The following PLXNC1 variants were observed in gnomAD, a reference collection of about 807,000 sequenced individuals.
The protein encoded by PLXNC1 is plexin-C1.
A neutral mutation model predicts 178.2 loss-of-function variants in PLXNC1; 75 were observed. That is an observed-to-expected ratio of 0.42 (90% CI 0.35 to 0.51). The LOEUF (loss-of-function observed/expected upper bound fraction) is 0.51. Ranked by LOEUF, PLXNC1 falls within the 20% of genes least tolerant of loss-of-function variation. The pLI is 0.02. For synonymous variants in PLXNC1, 790 were observed against 779.9 expected (o/e 1.01, Z -0.22); for missense variants, 1,503 against 1,984.4 (o/e 0.76, Z 4.61).
intron 5 of PLXNC1, among the ~76,000 whole-genome samples, chr12:94,210,701 A>T (rs1963443246): frequency 6.6e-6 from 1 of 152,224 alleles, no homozygotes; most frequent in African/African-American, 2.4e-5. Flanking sequence ...GTTGTAACTG[A>T]TCAGAACGAA....
Position 94,260,173 on chromosome 12 carries a change from C to T in PLXNC1, c.3251+439C>T, listed in dbSNP as rs1007145972. On this transcript the variant is annotated intron_variant, in intron 19 of 30. Coordinates refer to ENST00000258526, the MANE Select transcript of PLXNC1 (RefSeq NM_005761.3). The surrounding 1 kb of genome is among the most constrained non-coding windows in gnomAD (Gnocchi z 4.4). ...GCTCAAGCTACCCTCCTGCCTCAGC[C>T]TCCCCAAGTAGCTGGAACTACAGGT... 6.6e-6 allele frequency among the ~76,000 whole-genome samples: 1 copy of T among 152,088 alleles called. No individual in the cohort carries two copies. Among genetic ancestry groups the T allele is most frequent in the African/African-American group, 2.4e-5 (1 of 41,416 alleles).
Position 94,148,914 on chromosome 12 carries a change from C to A in PLXNC1, c.-58C>A. 2 of 596,726 alleles carry A rather than the reference C, an allele frequency of 3.4e-6. No individual in the cohort carries two copies. The highest frequency in any genetic ancestry group is 4.4e-6 in the Non-Finnish European group (2 of 449,724). 37.0% of individuals were successfully genotyped at this position (596,726 alleles called of 1,614,324 possible). A position where few individuals can be genotyped will look rare whatever the true frequency, so the allele number is the denominator to read the frequency against. On this transcript the variant is annotated 5_prime_UTR_variant, in exon 1 of 31. Coordinates refer to ENST00000258526, the MANE Select transcript of PLXNC1 (RefSeq NM_005761.3). This position sits in a 1 kb window ranked among gnomAD's most constrained non-coding sequence, Gnocchi z 4.8. ...GCCGCCGCCCGCGTCTCCGTTGCCGCGCGCCTGAGCCGCCGTCGCCGCCGC... is the reference window on the plus strand; with the variant it reads ...GCCGCCGCCCGCGTCTCCGTTGCCGAGCGCCTGAGCCGCCGTCGCCGCCGC...
chr12:94,225,883 C>A lies in PLXNC1; in HGVS notation c.1791-722C>A, dbSNP rs546826176. Among the ~76,000 whole-genome samples the A allele has an allele frequency of 2.3e-4, 35 of 152,324 alleles. No individual in the cohort carries two copies. In the South Asian group the frequency reaches 7.0e-3, roughly 31 times the overall value. ...CACGGAAACTGCAGTTTCTGTAGAT[C>A]AGAATCTCAGAATGTTTCCTCATTT... On this transcript the variant is annotated intron_variant, in intron 7 of 30. Transcript: ENST00000258526.
chr12:94,246,034 G>A (rs536073214), intron 12 of PLXNC1, among the ~76,000 whole-genome samples: 1 of 152,350 alleles, frequency 6.6e-6, no homozygotes, highest in East Asian at 1.9e-4. Flanking sequence ...ACTAGGGAAA[G>A]GGGAGGATTC....
chr12:94,292,356 C>T (rs1232734647), intron 23 of PLXNC1, among the ~76,000 whole-genome samples: 1 of 152,106 alleles, frequency 6.6e-6, no homozygotes, highest in Non-Finnish European at 1.5e-5. Context: ...TATTTTATAT[C>T]TTGATAAAGG....
intron 17 of PLXNC1, 143 bp from the exon 18 acceptor site, chr12:94,259,194 C>T (rs1375133717): frequency 1.7e-5 from 10 of 598,542 alleles, no homozygotes; most frequent in Admixed American, 6.6e-5. Context: ...TTAGAGAATA[C>T]GCAGCCACCA....
chr12:94,149,930 G>A lies in PLXNC1; in HGVS notation c.959G>A (p.Arg320Gln), dbSNP rs926196537. The A allele has an allele frequency of 1.9e-6, 3 of 1,587,186 alleles. No homozygotes were observed. The highest frequency in any genetic ancestry group is 2.6e-6 in the Non-Finnish European group (3 of 1,167,814). The change falls in exon 1 of 31, where the codon CGG becomes CAG. Residue 320 changes from arginine to glutamine, a missense_variant. Arg to Gln is a conservative substitution (Grantham distance 43). Coordinates refer to ENST00000258526, the MANE Select transcript of PLXNC1 (RefSeq NM_005761.3). ...FSAAAGEGQE[R>Q]RSPTTTALCL... Reference sequence around the variant, plus strand: ...GCGGCCGCTGGAGAGGGCCAGGAGCGGCGCTCCCCCACCACCACGGCGCTC... The same window carrying A: ...GCGGCCGCTGGAGAGGGCCAGGAGCAGCGCTCCCCCACCACCACGGCGCTC...
chr12:94,160,785 T>G lies in PLXNC1; in HGVS notation c.1063-8368T>G, dbSNP rs567278382. Reference sequence around the variant, plus strand: ...TTTTTAATGCATGAAATGAAAACATTGGATTGCAAAATAGATGTAATATAT... The same window carrying G: ...TTTTTAATGCATGAAATGAAAACATGGGATTGCAAAATAGATGTAATATAT... On this transcript the variant is annotated intron_variant, in intron 1 of 30. Transcript: ENST00000258526. 3.9e-5 allele frequency among the ~76,000 whole-genome samples: 6 copies of G among 152,316 alleles called. No individual in the cohort carries two copies. In the East Asian group the frequency reaches 1.2e-3, roughly 29 times the overall value.
Position 94,149,204 on chromosome 12 carries a change from G to A in PLXNC1, c.233G>A (p.Arg78His). 1 of 1,586,674 alleles carries A rather than the reference G, an allele frequency of 6.3e-7. No individual in the cohort carries two copies. The change falls in exon 1 of 31, where the codon CGC becomes CAC. Residue 78 changes from arginine (R) to histidine (H), a missense_variant. Arg to His is a conservative substitution (Grantham distance 29). Transcript: ENST00000258526. ...LDYSLEHSLS[R>H]LYRDQAGNCT... ...TACAGCCTGGAGCACAGCCTCTCGC[G>A]CCTGTACCGGGACCAAGCGGGCAAC...
intron 10 of PLXNC1, 54 bp from the exon 11 acceptor site, chr12:94,240,431 C>T (rs969318940): frequency 1.5e-6 from 2 of 1,359,414 alleles, no homozygotes; most frequent in Non-Finnish European, 2.1e-6. Context: ...CTTGGGTAAT[C>T]AACTGTGCTA....
chr12:94,201,550 G>A (rs1963116322), intron 4 of PLXNC1, among the ~76,000 whole-genome samples: 1 of 152,066 alleles, frequency 6.6e-6, no homozygotes, highest in South Asian at 2.1e-4. Context: ...TCTGCAGATG[G>A]AGAGCCTGAA....
intron 28 of PLXNC1, among the ~76,000 whole-genome samples, chr12:94,301,619 A>G (rs182916099): frequency 6.6e-6 from 1 of 152,336 alleles, no homozygotes; most frequent in African/African-American, 2.4e-5. Flanking sequence ...GTCTTATTTG[A>G]GCGCTCCAAA....
intron 23 of PLXNC1, among the ~76,000 whole-genome samples, chr12:94,291,169 A>AAT (rs1194307169): frequency 2.0e-5 from 3 of 152,248 alleles, no homozygotes. Flanking sequence ...CAAAAGAGGC[A>AAT]ATATATACAG....
chr12:94,212,362 C>A (rs1290081098), intron 5 of PLXNC1, among the ~76,000 whole-genome samples: 5 of 150,540 alleles, frequency 3.3e-5, no homozygotes, highest in Admixed American at 6.6e-5. Flanking sequence ...TTCTAGGGTA[C>A]ATGTGCACAA....
At chr12:94,233,845 T>G (rs1376951765) in intron 9 of PLXNC1, among the ~76,000 whole-genome samples, 1 of 152,204 alleles carries the variant, frequency 6.6e-6, no homozygotes, top group Non-Finnish European at 1.5e-5. Context: ...TCTTACCAAT[T>G]TATACATTTC....
At chr12:94,205,175 A>T (rs767954578) in intron 4 of PLXNC1, among the ~76,000 whole-genome samples, 8 of 152,026 alleles carry the variant, frequency 5.3e-5, no homozygotes, top group Non-Finnish European at 8.8e-5. Context: ...CTGCTTGGAA[A>T]CTTCAGCTCC....
At position 94,260,889 on chromosome 12, in the gene PLXNC1, T is replaced by TA; in HGVS notation, c.3450+50dup. On this transcript the variant is annotated intron_variant, in intron 20 of 30. Coordinates refer to ENST00000258526, the MANE Select transcript of PLXNC1 (RefSeq NM_005761.3). The surrounding 1 kb of genome is among the most constrained non-coding windows in gnomAD (Gnocchi z 4.4). ...TGTCAGAGGTAAGACAATAGGCAGT[T>TA]ATTTTTAGCGGACTCTGATGCCTTT... 1.3e-6 allele frequency: 2 copies of TA among 1,512,840 alleles called. No individual in the cohort carries two copies. Among genetic ancestry groups the TA allele is most frequent in the Non-Finnish European group, 1.8e-6 (2 of 1,092,514 alleles). 93.7% of individuals were successfully genotyped at this position (1,512,840 alleles called of 1,614,324 possible). A position where few individuals can be genotyped will look rare whatever the true frequency, so the allele number is the denominator to read the frequency against.
chr12:94,268,588 C>CTTTTTTTTTTTTTTTTTTTTTTTT (rs61265662), intron 21 of PLXNC1, among the ~76,000 whole-genome samples: 3 of 90,878 alleles, frequency 3.3e-5, no homozygotes, highest in Admixed American at 1.4e-4. Flanking sequence ...AGAATAAGAC[C>CTTTTTTTTTTTTTTTTTTTTTTTT]TTTTTTTTTT....
At chr12:94,191,499 C>T (rs560054833) in intron 4 of PLXNC1, among the ~76,000 whole-genome samples, 15 of 152,234 alleles carry the variant, frequency 9.9e-5, no homozygotes, top group Admixed American at 9.8e-4. Context: ...GAATAGGCAT[C>T]CAGACTGGGC....
Sources: gnomAD v4.1 joint callset for allele counts (sites outside exome capture counted in the v4.1 genomes callset) on GRCh38, gnomAD v4.1.1 for gene constraint, Gnocchi (gnomAD v3.1) non-coding constraint, MANE v1.5 for transcripts, NCBI Gene and HGNC (gene_info 2026-07-23, HGNC 2026-07-21) for gene names.